STK38: variants seen among roughly 807,000 people sequenced by gnomAD.
The protein encoded by STK38 is serine/threonine kinase 38.
In STK38, 26 loss-of-function variants were observed where a neutral mutation model predicts 59.0. That is an observed-to-expected ratio of 0.44 (90% confidence interval 0.32 to 0.61). The LOEUF (loss-of-function observed/expected upper bound fraction) is 0.61, where lower values mean the gene tolerates loss of function less well. STK38 is among the 20% of genes least tolerant of loss of function. The pLI is 0.04. For missense variants in STK38, 433 were observed against 566.0 expected (o/e 0.76, Z 2.38); for synonymous variants, 175 against 176.6 (o/e 0.99, Z 0.07).
chr6:36,507,915 T>C (rs1777005499), intron 7 of STK38, among the ~76,000 whole-genome samples: 1 of 150,984 alleles, frequency 6.6e-6, no homozygotes, highest in Non-Finnish European at 1.5e-5. Flanking sequence ...CCTCTGTTTC[T>C]ATATGGTATT....
intron 6 of STK38, 101 bp downstream of exon 6, chr6:36,517,616 T>G: frequency 6.7e-7 from 1 of 1,487,826 alleles, no homozygotes; most frequent in Non-Finnish European, 9.0e-7. Context: ...AAAGCAACTT[T>G]GTGAGCACAT....
intron 1 of STK38, among the ~76,000 whole-genome samples, chr6:36,540,598 T>C (rs1459486274): frequency 6.6e-6 from 1 of 152,196 alleles, no homozygotes. Context: ...GAAGCAACTT[T>C]ACCTGTACCT....
At chr6:36,503,392 T>C (rs1380392691) in intron 9 of STK38, among the ~76,000 whole-genome samples, 1 of 152,084 alleles carries the variant, frequency 6.6e-6, no homozygotes, top group Non-Finnish European at 1.5e-5. Flanking sequence ...CTTTTGCATA[T>C]ACTGTAAGGT....
At chr6:36,507,930 A>ATTTTTTTTTTT (rs35789250) in intron 7 of STK38, among the ~76,000 whole-genome samples, 3 of 113,258 alleles carry the variant, frequency 2.6e-5, no homozygotes, top group Non-Finnish European at 3.4e-5. Flanking sequence ...GGTATTCAGA[A>ATTTTTTTTTTT]TTTTTTTTTT....
chr6:36,507,354 A>G, intron 8 of STK38, 146 bp downstream of exon 8: 4 of 711,146 alleles, frequency 5.6e-6, no homozygotes, highest in Non-Finnish European at 9.6e-6. Context: ...AGACAACACA[A>G]ATCACAGGCA....
intron 7 of STK38, among the ~76,000 whole-genome samples, chr6:36,512,678 G>A (rs1445153288): frequency 6.8e-6 from 1 of 147,098 alleles, no homozygotes; most frequent in Non-Finnish European, 1.5e-5. Context: ...TTTTTTTTTT[G>A]AGATGGAGTC....
chr6:36,513,489 A>AT (rs1416408425), intron 7 of STK38, among the ~76,000 whole-genome samples: 1 of 149,706 alleles, frequency 6.7e-6, no homozygotes, highest in Non-Finnish European at 1.5e-5. Context: ...TGATTTTTGT[A>AT]TTTTTAGTAG....
intron 1 of STK38, among the ~76,000 whole-genome samples, chr6:36,544,872 A>G: frequency 6.6e-6 from 1 of 152,116 alleles, no homozygotes; most frequent in East Asian, 1.9e-4. Flanking sequence ...TCTGTCTTAA[A>G]AACAACAACA....
chr6:36,533,215 A>T (rs1018660165), intron 2 of STK38, among the ~76,000 whole-genome samples: 1 of 152,176 alleles, frequency 6.6e-6, no homozygotes, highest in African/African-American at 2.4e-5. Flanking sequence ...TGGCACAATC[A>T]TAGCTCACTG....
intron 9 of STK38, 135 bp downstream of exon 9, chr6:36,506,448 A>AC (rs1776964194): frequency 6.9e-6 from 6 of 864,482 alleles, no homozygotes; most frequent in Non-Finnish European, 1.1e-5. Context: ...CAACCTAACA[A>AC]CAGCACTCTC....
chr6:36,527,762 A>ATT (rs1777566747), intron 2 of STK38, among the ~76,000 whole-genome samples: 1 of 152,080 alleles, frequency 6.6e-6, no homozygotes, highest in Non-Finnish European at 1.5e-5. Flanking sequence ...TCAGCATTCC[A>ATT]GATAAACAGG....
chr6:36,507,251 T>C (rs1417414412), intron 8 of STK38, among the ~76,000 whole-genome samples: 1 of 152,018 alleles, frequency 6.6e-6, no homozygotes, highest in Non-Finnish European at 1.5e-5. Flanking sequence ...TGTCCCATAC[T>C]CATCCCCAGT....
chr6:36,534,201 A>G (rs1336599767), intron 2 of STK38, among the ~76,000 whole-genome samples: 1 of 152,208 alleles, frequency 6.6e-6, no homozygotes, highest in Non-Finnish European at 1.5e-5. Context: ...TAAAGGAGAA[A>G]AACAATATGA....
At chr6:36,531,803 C>A (rs1777672477) in intron 2 of STK38, among the ~76,000 whole-genome samples, 2 of 152,132 alleles carry the variant, frequency 1.3e-5, no homozygotes, top group Non-Finnish European at 2.9e-5. Flanking sequence ...ACACAGGAAA[C>A]AATTCCCAAA....
chr6:36,540,159 T>A lies in STK38; in HGVS notation c.44A>T (p.His15Leu), dbSNP rs866516364. 1 of 1,614,094 alleles carries A rather than the reference T, an allele frequency of 6.2e-7. No individual in the cohort carries two copies. The highest frequency in any genetic ancestry group is 8.5e-7 in the Non-Finnish European group (1 of 1,179,992). The change falls in exon 2 of 14, where the codon CAC (histidine) becomes CTC (leucine). Residue 15 changes from histidine (H) to leucine (L), a missense_variant. His to Leu is a moderately conservative substitution (Grantham distance 99). This residue lies in a region of STK38 where 293 missense variants were observed against 388.2 expected (regional missense o/e 0.75). Transcript: ENST00000229812. ...GSTPCSSMSN[H>L]TKERVTMTKV... ...GGTCATTGTCACCCTTTCCTTTGTG[T>A]GGTTACTCATGGATGAGCAAGGTGT...
chr6:36,510,012 G>GC (rs1184890822), intron 7 of STK38, among the ~76,000 whole-genome samples: 3 of 152,140 alleles, frequency 2.0e-5, no homozygotes, highest in Admixed American at 6.5e-5. Context: ...AAAAACCACC[G>GC]CAAGTTCTTA....
intron 9 of STK38, among the ~76,000 whole-genome samples, chr6:36,500,242 G>A (rs1310761309): frequency 1.3e-5 from 2 of 151,890 alleles, no homozygotes; most frequent in Non-Finnish European, 2.9e-5. Flanking sequence ...ATAATAACTG[G>A]TATTACAATT....
rs79879411 is a variant in STK38 at position 36,515,250 on chromosome 6, C to T, written c.669+88G>A. The T allele has an allele frequency of 7.2e-4, 1,062 of 1,468,028 alleles. 2 individuals are homozygous for T. In the African/African-American group the frequency reaches 0.013, roughly 18 times the overall value. The allele number at this position is 1,468,028 out of a possible 1,614,324, so 90.9% of individuals were successfully genotyped here. A position where few individuals can be genotyped will look rare whatever the true frequency, so the allele number is the denominator to read the frequency against. On this transcript the variant is annotated intron_variant, in intron 7 of 13. Coordinates refer to ENST00000229812, the MANE Select transcript of STK38 (RefSeq NM_007271.4). Reference sequence around the variant, plus strand: ...GACAAGGCAGGTCACAGCTCGCCCACTGGGATGACCACAGGGGTGCAGGTG... The same window carrying T: ...GACAAGGCAGGTCACAGCTCGCCCATTGGGATGACCACAGGGGTGCAGGTG...
At chr6:36,509,784 G>A (rs1357768390) in intron 7 of STK38, among the ~76,000 whole-genome samples, 3 of 152,154 alleles carry the variant, frequency 2.0e-5, no homozygotes, top group Non-Finnish European at 4.4e-5. Context: ...GGATATCTGT[G>A]TCGGAGTCCA....
Sources: allele counts gnomAD v4.1 joint callset (sites outside exome capture counted in the v4.1 genomes callset), GRCh38; gene constraint gnomAD v4.1.1; regional missense constraint gnomAD v4.1.1; transcripts MANE v1.5; gene names NCBI Gene and HGNC (gene_info 2026-07-23, HGNC 2026-07-21).